The following TCL1A variants were observed in gnomAD, a reference collection of about 807,000 sequenced individuals.
TCL1A encodes T-cell leukemia/lymphoma protein 1A.
Under a neutral mutation model 16.9 loss-of-function variants are expected in TCL1A, and 9 were observed. That is an observed-to-expected ratio of 0.53 (90% confidence interval 0.32 to 0.93). TCL1A has a LOEUF of 0.93. Among genes scored for constraint, TCL1A ranks in the 40% least tolerant of loss-of-function variants. The pLI is 0.04. For synonymous variants in TCL1A, 69 were observed against 63.2 expected, an observed-to-expected ratio of 1.09 and a Z score of -0.44; for missense variants, 139 against 153.0, an observed-to-expected ratio of 0.91 and a Z score of 0.48.
chr14:95,712,164 A>T, intron 2 of TCL1A, 56 bp downstream of exon 2: 1 of 1,602,422 alleles, frequency 6.2e-7, no homozygotes, highest in South Asian at 1.1e-5. Flanking sequence ...AAGGCCAGAC[A>T]TGGAGGAGGG....
chr14:95,713,895 C>T (rs545894707), intron 1 of TCL1A, 52 bp downstream of exon 1: 14 of 1,603,872 alleles, frequency 8.7e-6, no homozygotes, highest in African/African-American at 5.3e-5. Context: ...GCATCCCAAG[C>T]TCCCAGGGGC....
intron 3 of TCL1A, among the ~76,000 whole-genome samples, chr14:95,711,256 G>A (rs1181826757): frequency 6.8e-6 from 1 of 146,298 alleles, no homozygotes; most frequent in African/African-American, 2.6e-5. Flanking sequence ...TCAGGAGATC[G>A]AGACCATCCT....
In TCL1A at chr14:95,712,278, G is replaced by A. The variant is rs780732844; in HGVS notation, c.239C>T (p.Pro80Leu). 1 of 1,614,190 alleles carries A rather than the reference G, an allele frequency of 6.2e-7. No homozygotes were observed. Among genetic ancestry groups the A allele is most frequent in the South Asian group, 1.1e-5 (1 of 91,074 alleles). Reference protein sequence around the residue: ...SLLPIMWQLYPDGRYRSSDSS... With the variant: ...SLLPIMWQLYLDGRYRSSDSS... ...GTCTGAGGATCGGTATCGTCCATCAGGGTAGAGCTGCCACATGATAGGCAG... is the reference window on the plus strand; with the variant it reads ...GTCTGAGGATCGGTATCGTCCATCAAGGTAGAGCTGCCACATGATAGGCAG... The change falls in exon 2 of 4, where the codon CCT becomes CTT. Residue 80 changes from proline to leucine, a missense_variant. Around this residue, in one of 2 missense-constraint regions of TCL1A, gnomAD observed 45 missense variants for 72.8 expected, o/e 0.62. Coordinates refer to ENST00000402399, the MANE Select transcript of TCL1A (RefSeq NM_021966.3).
Position 95,711,466 on chromosome 14 carries a change from T to TC in TCL1A, c.*6+282dup. On this transcript the variant is annotated intron_variant, in intron 3 of 3. Transcript: ENST00000402399. ...CCTGGGCCACAGAGCCAGACTCATCTCAAAAAAAAAAAAAAGCAATGGTAA... is the reference window on the plus strand; with the variant it reads ...CCTGGGCCACAGAGCCAGACTCATCTCCAAAAAAAAAAAAAAGCAATGGTAA... 6 of 334,170 alleles carry TC rather than the reference T, an allele frequency of 1.8e-5. No homozygotes were observed. The South Asian group carries it at 2.5e-4, about 14-fold the overall frequency. The allele number at this position is 334,170 out of a possible 1,614,324, so 20.7% of individuals were successfully genotyped here.
intron 1 of TCL1A, among the ~76,000 whole-genome samples, chr14:95,713,452 A>G (rs1886435900): frequency 6.6e-6 from 1 of 152,334 alleles, no homozygotes; most frequent in African/African-American, 2.4e-5. Flanking sequence ...CGCTTATACT[A>G]CGACATCACT....
At chr14:95,713,330 A>G (rs573656363) in intron 1 of TCL1A, among the ~76,000 whole-genome samples, 1 of 152,316 alleles carries the variant, frequency 6.6e-6, no homozygotes, top group East Asian at 1.9e-4. Flanking sequence ...CATTGAGTAA[A>G]TCCAAATACT....
At position 95,710,318 on chromosome 14, in the gene TCL1A, C is replaced by A. The variant is rs191298008; in HGVS notation, c.*570G>T. ...GATAAGGGCTCCTTTCAGGCCTTTC[C>A]TTGAGCTGCACGTGAACCTGTGTGG... is the stretch of plus-strand genomic sequence containing the variant. On this transcript the variant is annotated 3_prime_UTR_variant, in exon 4 of 4. Coordinates refer to ENST00000402399, the MANE Select transcript of TCL1A (RefSeq NM_021966.3). The A allele has an allele frequency of 1.2e-3, 181 of 152,256 alleles. No individual in the cohort carries two copies. Among genetic ancestry groups the A allele is most frequent in the Non-Finnish European group, 1.6e-3 (113 of 68,528 alleles). The allele number at this position is 152,256 out of a possible 1,614,324, so 9.4% of individuals were successfully genotyped here. A position where few individuals can be genotyped will look rare whatever the true frequency, so the allele number is the denominator to read the frequency against.
intron 1 of TCL1A, among the ~76,000 whole-genome samples, chr14:95,713,496 T>G (rs1886438832): frequency 6.6e-6 from 1 of 152,252 alleles, no homozygotes; most frequent in East Asian, 1.9e-4. Flanking sequence ...AGCCCAGAGG[T>G]AGTGGAAAAT....
In TCL1A at chr14:95,712,672, C is replaced by T. The variant is rs747608446; in HGVS notation, c.121-276G>A. ...CACACTTTTTTCTGGCGGGTTGCAG[C>T]GGCTCACACTTGTAATTCCAGTGCT... On this transcript the variant is annotated intron_variant, in intron 1 of 3. Transcript: ENST00000402399. 682 of 1,396,990 alleles carry T rather than the reference C, an allele frequency of 4.9e-4. 5 individuals carry two copies. In the Middle Eastern group the frequency reaches 6.1e-3, roughly 12 times the overall value. The allele number at this position is 1,396,990 out of a possible 1,614,324, so 86.5% of individuals were successfully genotyped here.
intron 2 of TCL1A, 142 bp from the exon 3 acceptor site, chr14:95,711,944 C>T (rs1886367583): frequency 1.0e-5 from 11 of 1,065,336 alleles, no homozygotes; most frequent in East Asian, 2.6e-5. Flanking sequence ...GGAGACTGCC[C>T]CTCCTCCCAC....
chr14:95,711,306 A>AG lies in TCL1A; in HGVS notation c.*7-426_*7-425insC, dbSNP rs1445538298. The AG allele has an allele frequency of 3.3e-5, 5 of 153,528 alleles. No individual in the cohort carries two copies. In the East Asian group the frequency reaches 9.5e-4, roughly 29 times the overall value. The allele number at this position is 153,528 out of a possible 1,614,324, so 9.5% of individuals were successfully genotyped here. A position where few individuals can be genotyped will look rare whatever the true frequency, so the allele number is the denominator to read the frequency against. ...AACCCCGTCTCTACTAAAAAAAAAA[A>AG]AAAAAAAAAAAAATTAGCCAGGTGT... is the stretch of plus-strand genomic sequence containing the variant. On this transcript the variant is annotated intron_variant, in intron 3 of 3. Transcript: ENST00000402399.
In TCL1A at chr14:95,712,192, G is replaced by A. The variant is rs763228152; in HGVS notation, c.297+28C>T. ...GAGGAGGGCAAACCCAAGATCACCCGATGGACCTCTGGGAGAAAGACACTC... is the reference window on the plus strand; with the variant it reads ...GAGGAGGGCAAACCCAAGATCACCCAATGGACCTCTGGGAGAAAGACACTC... On this transcript the variant is annotated intron_variant, in intron 2 of 3. Coordinates refer to ENST00000402399, the MANE Select transcript of TCL1A (RefSeq NM_021966.3). The A allele has an allele frequency of 6.2e-6, 10 of 1,613,600 alleles. No homozygotes were observed. In the Admixed American group the frequency reaches 6.7e-5, roughly 11 times the overall value.
chr14:95,713,900 A>C, intron 1 of TCL1A, 47 bp downstream of exon 1: 1 of 1,606,512 alleles, frequency 6.2e-7, no homozygotes. Context: ...CCAAGCTCCC[A>C]GGGGCTGCCC....
At chr14:95,713,312 C>T (rs2139722393) in intron 1 of TCL1A, among the ~76,000 whole-genome samples, 1 of 152,276 alleles carries the variant, frequency 6.6e-6, no homozygotes, top group Non-Finnish European at 1.5e-5. Flanking sequence ...CATTTTTTGA[C>T]TCTTTTTCAT....
chr14:95,712,109 T>C (rs1566746723), intron 2 of TCL1A, 111 bp downstream of exon 2: 1 of 1,360,054 alleles, frequency 7.4e-7, no homozygotes, highest in Non-Finnish European at 1.0e-6. Flanking sequence ...ATTTCCCCCA[T>C]TTTTTAATGC....
At chr14:95,713,702 T>A (rs1445468350) in intron 1 of TCL1A, among the ~76,000 whole-genome samples, 4 of 152,324 alleles carry the variant, frequency 2.6e-5, no homozygotes, top group South Asian at 2.1e-4. Flanking sequence ...GTCAACATTA[T>A]AGTCACACTC....
In TCL1A at chr14:95,710,025, A is replaced by C. The variant is rs1417027392; in HGVS notation, c.*863T>G. 2.0e-5 allele frequency: 3 copies of C among 152,206 alleles called. No homozygotes were observed. Among genetic ancestry groups the C allele is most frequent in the Non-Finnish European group, 4.4e-5 (3 of 68,038 alleles). The allele number at this position is 152,206 out of a possible 1,614,324, so 9.4% of individuals were successfully genotyped here. On this transcript the variant is annotated 3_prime_UTR_variant, in exon 4 of 4. Transcript: ENST00000402399. The stretch of plus-strand genomic sequence containing the variant: ...TCTCACTTCTCTCCACCAGAATCTA[A>C]GTCAAGGATAGAAGCTGATTCCGCA...
chr14:95,713,252 A>G (rs2139722233), intron 1 of TCL1A, among the ~76,000 whole-genome samples: 1 of 152,268 alleles, frequency 6.6e-6, no homozygotes, highest in Admixed American at 6.5e-5. Context: ...GTTCTAATAT[A>G]TTTTTTAATT....
chr14:95,713,116 A>G (rs2139721938), intron 1 of TCL1A, among the ~76,000 whole-genome samples: 1 of 152,388 alleles, frequency 6.6e-6, no homozygotes, highest in East Asian at 1.9e-4. Context: ...TTAAGAGCCT[A>G]GAATTCCAAC....
Sources: allele counts gnomAD v4.1 joint callset (sites outside exome capture counted in the v4.1 genomes callset), GRCh38; gene constraint gnomAD v4.1.1; regional missense constraint gnomAD v4.1.1; transcripts MANE v1.5; gene names NCBI Gene and HGNC (gene_info 2026-07-23, HGNC 2026-07-21).